The following SORCS2 variants were observed in gnomAD, a reference collection of about 807,000 sequenced individuals.
The protein encoded by SORCS2 is VPS10 domain-containing receptor SorCS2.
Under a neutral mutation model 141.6 loss-of-function variants are expected in SORCS2, and 100 were observed. The observed-to-expected ratio is 0.71, with a 90% CI of 0.60 to 0.83. The LOEUF is 0.83. Among genes scored for constraint, SORCS2 ranks in the 40% least tolerant of loss-of-function variants. The pLI, the probability that SORCS2 is intolerant of heterozygous loss-of-function variation, is 0.00. For missense variants in SORCS2, 1,646 were observed against 1,560.2 expected (o/e 1.05, Z -0.93); for synonymous variants, 789 against 676.9 (o/e 1.17, Z -2.57).
At chr4:7,705,609 C>T (rs926116419) in intron 14 of SORCS2, among the ~76,000 whole-genome samples, 1 of 152,214 alleles carries the variant, frequency 6.6e-6, no homozygotes, top group Non-Finnish European at 1.5e-5. Context: ...CTCGCCCACT[C>T]GGCTGGAGTG....
intron 2 of SORCS2, among the ~76,000 whole-genome samples, chr4:7,415,705 G>T (rs1477956312): frequency 1.3e-5 from 2 of 152,260 alleles, no homozygotes; most frequent in Non-Finnish European, 2.9e-5. Flanking sequence ...GAAGTTATCA[G>T]TTGAAGGCCT....
intron 10 of SORCS2, among the ~76,000 whole-genome samples, chr4:7,683,190 C>T (rs904142021): frequency 6.6e-6 from 1 of 152,236 alleles, no homozygotes; most frequent in Non-Finnish European, 1.5e-5. Flanking sequence ...GGCGGCTCTG[C>T]TGATCTTGTC....
At chr4:7,455,325 G>C (rs1728822369) in intron 2 of SORCS2, among the ~76,000 whole-genome samples, 1 of 72,228 alleles carries the variant, frequency 1.4e-5, no homozygotes, top group Non-Finnish European at 2.6e-5. Flanking sequence ...CAGGCTCTGT[G>C]TTGGGGTCAG....
intron 1 of SORCS2, among the ~76,000 whole-genome samples, chr4:7,223,109 C>G (rs577605874): frequency 1.2e-4 from 18 of 152,230 alleles, no homozygotes; most frequent in African/African-American, 4.3e-4. Flanking sequence ...CAAAAAAACC[C>G]AGACTCGTGT....
intron 1 of SORCS2, among the ~76,000 whole-genome samples, chr4:7,314,800 G>GTT (rs397880294): frequency 1.7e-4 from 19 of 109,832 alleles, no homozygotes; most frequent in East Asian, 5.5e-4. Flanking sequence ...CCACTGTTCT[G>GTT]TTTTTTTTTT....
At chr4:7,595,189 T>C (rs1196649451) in intron 3 of SORCS2, among the ~76,000 whole-genome samples, 1 of 152,080 alleles carries the variant, frequency 6.6e-6, no homozygotes, top group African/African-American at 2.4e-5. Context: ...TCCTTGCTAT[T>C]ACCGGTTTAT....
intron 1 of SORCS2, among the ~76,000 whole-genome samples, chr4:7,386,630 CACATGCACACACAGATACACAGAAAT>C: frequency 6.6e-6 from 1 of 150,798 alleles, no homozygotes; most frequent in East Asian, 1.9e-4. Context: ...TACACATGAA[CACATGCACACACAGATACACAGAAAT>C]ACATGCACAC....
At chr4:7,426,958 A>G (rs1434309462) in intron 2 of SORCS2, among the ~76,000 whole-genome samples, 1 of 152,146 alleles carries the variant, frequency 6.6e-6, no homozygotes, top group Non-Finnish European at 1.5e-5. Flanking sequence ...GGCCCTGAGG[A>G]CAGGCTTCCT....
At position 7,664,500 on chromosome 4, in the gene SORCS2, T is replaced by C. The variant is rs756096219; in HGVS notation, c.1071+29T>C. ...AGGTTGCTTCTGGGGCTTTTGGAAATTGGCAACAGGTGACGTGGCGGATGA... is the reference window on the plus strand; with the variant it reads ...AGGTTGCTTCTGGGGCTTTTGGAAACTGGCAACAGGTGACGTGGCGGATGA... On this transcript the variant is annotated intron_variant, in intron 7 of 26. Transcript: ENST00000507866. The surrounding 1 kb of genome is among the most constrained non-coding windows in gnomAD (Gnocchi z 4.7). 8 of 1,531,870 alleles carry C rather than the reference T, an allele frequency of 5.2e-6. No homozygotes were observed. Among genetic ancestry groups the C allele is most frequent in the Non-Finnish European group, 7.1e-6 (8 of 1,124,544 alleles). 94.9% of individuals were successfully genotyped at this position (1,531,870 alleles called of 1,614,324 possible).
Position 7,654,204 on chromosome 4 carries a change from T to C in SORCS2, c.884T>C (p.Phe295Ser). 1 of 1,574,064 alleles carries C rather than the reference T, an allele frequency of 6.4e-7. No individual in the cohort carries two copies. Among genetic ancestry groups the C allele is most frequent in the Non-Finnish European group, 8.6e-7 (1 of 1,158,190 alleles). Residue 295 changes from phenylalanine to serine, a missense_variant, in exon 5 of 27, where the codon TTC becomes TCC. Physicochemically the swap from Phe to Ser is radical, Grantham distance 155. Coordinates refer to ENST00000507866, the MANE Select transcript of SORCS2 (RefSeq NM_020777.3). ...LQERVTKDHVFWSVSGVDADP... is the reference protein window; with the variant it reads ...LQERVTKDHVSWSVSGVDADP... Reference sequence around the variant, plus strand: ...GAGCGAGTGACCAAAGACCACGTGTTCTGGTGAGAGCACTTCCCCACCCCA... The same window carrying C: ...GAGCGAGTGACCAAAGACCACGTGTCCTGGTGAGAGCACTTCCCCACCCCA...
chr4:7,448,200 G>A (rs143201789), intron 2 of SORCS2, among the ~76,000 whole-genome samples: 117 of 152,280 alleles, frequency 7.7e-4, no homozygotes, highest in Non-Finnish European at 1.5e-3. Flanking sequence ...GCCCTGTGGC[G>A]TGCAAGCAAG....
chr4:7,374,013 T>C (rs1479628246), intron 1 of SORCS2, among the ~76,000 whole-genome samples: 4 of 152,216 alleles, frequency 2.6e-5, no homozygotes, highest in African/African-American at 7.2e-5. Context: ...TTCCCCCTTG[T>C]TTTCTTCTAG....
At chr4:7,388,785 C>T (rs1035160855) in intron 1 of SORCS2, among the ~76,000 whole-genome samples, 3 of 152,202 alleles carry the variant, frequency 2.0e-5, no homozygotes, top group African/African-American at 7.2e-5. Context: ...CATCCTTTTT[C>T]GTCCTTCCCA....
chr4:7,368,957 A>G lies in SORCS2; in HGVS notation c.481-27331A>G, dbSNP rs140605814. 5.7e-4 allele frequency among the ~76,000 whole-genome samples: 87 copies of G among 152,120 alleles called. No homozygotes were observed. The East Asian group carries it at 0.016, about 28-fold the overall frequency. On this transcript the variant is annotated intron_variant, in intron 1 of 26. Transcript: ENST00000507866. ...TGCTCTTCTCTGTGTGCATCATGTGAGCTTTCCGCCATCATGGTGAGGCCT... is the reference window on the plus strand; with the variant it reads ...TGCTCTTCTCTGTGTGCATCATGTGGGCTTTCCGCCATCATGGTGAGGCCT...
At chr4:7,507,297 C>T (rs141199048) in intron 2 of SORCS2, among the ~76,000 whole-genome samples, 2,402 of 152,244 alleles carry the variant, frequency 0.016, 68 homozygotes, top group African/African-American at 0.055. Context: ...GCCTCAGCCT[C>T]CTGAGTAGCT....
chr4:7,685,764 G>T (rs1419887647), intron 10 of SORCS2, among the ~76,000 whole-genome samples: 5 of 151,994 alleles, frequency 3.3e-5, no homozygotes, highest in African/African-American at 7.3e-5. Flanking sequence ...CATCTCCAAG[G>T]GTGAAAGTGC....
At chr4:7,240,518 G>A (rs62289720) in intron 1 of SORCS2, among the ~76,000 whole-genome samples, 52 of 152,264 alleles carry the variant, frequency 3.4e-4, no homozygotes, top group Non-Finnish European at 4.1e-4. Flanking sequence ...TCTGCCGAAC[G>A]TTTCCCCGTC....
chr4:7,453,193 G>C (rs1452731637), intron 2 of SORCS2, among the ~76,000 whole-genome samples: 1 of 137,314 alleles, frequency 7.3e-6, no homozygotes, highest in African/African-American at 2.8e-5. Context: ...TTGGGGTCAG[G>C]CTCCGTGTTG....
At chr4:7,446,788 T>G (rs1728030318) in intron 2 of SORCS2, among the ~76,000 whole-genome samples, 1 of 152,212 alleles carries the variant, frequency 6.6e-6, no homozygotes, top group South Asian at 2.1e-4. Flanking sequence ...GTACGTGCAG[T>G]GTCGTGGGGA....
Sources: gnomAD v4.1 joint callset for allele counts (sites outside exome capture counted in the v4.1 genomes callset) on GRCh38, gnomAD v4.1.1 for gene constraint, Gnocchi (gnomAD v3.1) non-coding constraint, MANE v1.5 for transcripts, NCBI Gene and HGNC (gene_info 2026-07-23, HGNC 2026-07-21) for gene names.